The following NOL4 variants were observed in gnomAD, a reference collection of about 807,000 sequenced individuals.
NOL4 encodes the protein cancer/testis antigen 125.
A neutral mutation model predicts 75.9 loss-of-function variants in NOL4; 17 were observed. The ratio of observed to expected loss-of-function variants is 0.22; its 90% CI spans 0.15 to 0.34. The LOEUF is 0.34. Among genes scored for constraint, NOL4 ranks in the 10% least tolerant of loss-of-function variants. The pLI, the probability that NOL4 is intolerant of heterozygous loss-of-function variation, is 1.00. For synonymous variants in NOL4, 292 were observed against 289.9 expected (o/e 1.01, Z -0.07); for missense variants, 614 against 793.5 (o/e 0.77, Z 2.72).
At chr18:33,905,648 C>T (rs957198451) in intron 9 of NOL4, among the ~76,000 whole-genome samples, 1 of 152,114 alleles carries the variant, frequency 6.6e-6, no homozygotes, top group Non-Finnish European at 1.5e-5. Context: ...TTGTTCAGTA[C>T]ATGACAACTC....
chr18:34,102,636 C>T (rs1227889293), intron 4 of NOL4, among the ~76,000 whole-genome samples: 1 of 151,960 alleles, frequency 6.6e-6, no homozygotes, highest in East Asian at 1.9e-4. Context: ...AAGGGATCAG[C>T]ATATGTGGGC....
At chr18:33,896,293 AAAG>A (rs2065405416) in intron 9 of NOL4, among the ~76,000 whole-genome samples, 2 of 152,246 alleles carry the variant, frequency 1.3e-5, no homozygotes, top group South Asian at 4.1e-4. Flanking sequence ...CATAACTAGA[AAAG>A]AAATTATTTA....
chr18:34,059,122 C>CATATATATACATATAT (rs2076956876), intron 5 of NOL4, among the ~76,000 whole-genome samples: 1 of 118,214 alleles, frequency 8.5e-6, no homozygotes, highest in Non-Finnish European at 1.7e-5. Context: ...GATAGATATA[C>CATATATATACATATAT]ATATATATAT....
chr18:33,884,504 G>GCA (rs1331411044), intron 9 of NOL4, among the ~76,000 whole-genome samples: 1 of 151,978 alleles, frequency 6.6e-6, no homozygotes, highest in Non-Finnish European at 1.5e-5. Context: ...GCAATAAACT[G>GCA]TATATATTTT....
At chr18:34,119,450 T>C (rs1600654642) in intron 2 of NOL4, among the ~76,000 whole-genome samples, 2 of 152,224 alleles carry the variant, frequency 1.3e-5, no homozygotes, top group African/African-American at 4.8e-5. Flanking sequence ...TCAGGCAATA[T>C]TAGCATTACT....
intron 5 of NOL4, among the ~76,000 whole-genome samples, chr18:34,042,250 G>A (rs2076172814): frequency 1.3e-5 from 2 of 151,908 alleles, no homozygotes; most frequent in African/African-American, 4.8e-5. Context: ...ACACAAAGAG[G>A]CAAGCTCCCT....
chr18:33,925,933 T>C (rs76851163), intron 9 of NOL4, among the ~76,000 whole-genome samples: 1 of 152,194 alleles, frequency 6.6e-6, no homozygotes, highest in African/African-American at 2.4e-5. Context: ...ATAACTTTTT[T>C]AATGAGTCTA....
chr18:34,123,705 T>G (rs1055037394), intron 2 of NOL4, among the ~76,000 whole-genome samples: 4 of 148,988 alleles, frequency 2.7e-5, no homozygotes, highest in East Asian at 1.9e-4. Context: ...TATGTATATA[T>G]AGAGAGATAG....
intron 1 of NOL4, among the ~76,000 whole-genome samples, chr18:34,204,264 T>C (rs760194823): frequency 1.2e-4 from 18 of 152,142 alleles, no homozygotes; most frequent in Non-Finnish European, 2.4e-4. Flanking sequence ...AAACCCCTTA[T>C]CACAAATAAT....
intron 1 of NOL4, among the ~76,000 whole-genome samples, chr18:34,143,007 A>C (rs1273965249): frequency 6.8e-6 from 1 of 147,762 alleles, no homozygotes; most frequent in Non-Finnish European, 1.5e-5. Context: ...TAAAATAAAT[A>C]GTTGCTAATG....
intron 1 of NOL4, among the ~76,000 whole-genome samples, chr18:34,158,876 A>T (rs375679600): frequency 2.0e-5 from 3 of 152,312 alleles, no homozygotes; most frequent in East Asian, 3.9e-4. Flanking sequence ...TCCATCCTCT[A>T]GACCATTTAC....
In NOL4 at chr18:33,911,600, A is replaced by G. The variant is rs569516856; in HGVS notation, c.1543-28176T>C. ...ATTTGCTATTTACTTCAAGGATGAA[A>G]TATGATTTTGCTTTATCTTTCTGAG... On this transcript the variant is annotated intron_variant, in intron 9 of 10. Coordinates refer to ENST00000261592, the MANE Select transcript of NOL4 (RefSeq NM_003787.5). 2.6e-5 allele frequency among the ~76,000 whole-genome samples: 4 copies of G among 152,208 alleles called. No individual in the cohort carries two copies. In the South Asian group the frequency reaches 6.2e-4, roughly 24 times the overall value.
At chr18:33,986,075 A>G (rs2072427049) in intron 6 of NOL4, among the ~76,000 whole-genome samples, 1 of 152,174 alleles carries the variant, frequency 6.6e-6, no homozygotes, top group Non-Finnish European at 1.5e-5. Context: ...GTAAAATAAA[A>G]TAAATCAAGG....
intron 9 of NOL4, among the ~76,000 whole-genome samples, chr18:33,904,340 G>A (rs970645579): frequency 4.6e-5 from 7 of 151,844 alleles, no homozygotes; most frequent in African/African-American, 9.7e-5. Flanking sequence ...GTATATAAAC[G>A]AAAAAAGTAG....
chr18:34,195,285 A>C (rs2035247329), intron 1 of NOL4, among the ~76,000 whole-genome samples: 1 of 152,192 alleles, frequency 6.6e-6, no homozygotes, highest in African/African-American at 2.4e-5. Context: ...GTTTTCAAGA[A>C]ATGCTAAGGC....
chr18:34,135,826 C>T (rs181729069), intron 1 of NOL4, among the ~76,000 whole-genome samples: 16 of 151,880 alleles, frequency 1.1e-4, no homozygotes, highest in Admixed American at 7.2e-4. Context: ...AAAACACTTC[C>T]CAAATTATCC....
At chr18:34,025,201 G>C (rs754235261) in intron 5 of NOL4, among the ~76,000 whole-genome samples, 13 of 152,032 alleles carry the variant, frequency 8.6e-5, no homozygotes, top group African/African-American at 3.1e-4. Flanking sequence ...TGCCAGAATG[G>C]TCCCATTTTT....
chr18:33,887,898 A>T (rs567635065), intron 9 of NOL4, among the ~76,000 whole-genome samples: 19 of 152,262 alleles, frequency 1.2e-4, no homozygotes, highest in Non-Finnish European at 2.6e-4. Context: ...ATGTGTCTTT[A>T]TAGCAGCATG....
intron 4 of NOL4, 113 bp from the exon 5 acceptor site, chr18:34,093,710 C>A: frequency 1.3e-6 from 1 of 792,188 alleles, no homozygotes; most frequent in Non-Finnish European, 1.8e-6. Context: ...TTACAGAATT[C>A]AGAAAAATAT....
Sources: gnomAD v4.1 joint callset for allele counts (sites outside exome capture counted in the v4.1 genomes callset) on GRCh38, gnomAD v4.1.1 for gene constraint, MANE v1.5 for transcripts, NCBI Gene and HGNC (gene_info 2026-07-23, HGNC 2026-07-21) for gene names.